The following FAM83F variants were observed in gnomAD, a reference collection of about 807,000 sequenced individuals.
The protein encoded by FAM83F is scaffolding CK1 anchoring protein F.
FAM83F carries 45 observed loss-of-function variants against 42.9 expected under a neutral mutation model. The observed-to-expected ratio is 1.05, with a 90% CI of 0.83 to 1.35. The LOEUF is 1.35. FAM83F is among the 40% of genes most tolerant of loss of function. The pLI, the probability that FAM83F is intolerant of heterozygous loss-of-function variation, is 0.00. For synonymous variants in FAM83F, 306 were observed against 298.3 expected, an observed-to-expected ratio of 1.03 and a Z score of -0.27; for missense variants, 617 against 695.9, an observed-to-expected ratio of 0.89 and a Z score of 1.28.
At chr22:40,019,395 C>A in intron 2 of FAM83F, 60 bp downstream of exon 2, 1 of 1,519,750 alleles carries the variant, frequency 6.6e-7, no homozygotes. Flanking sequence ...TACCTCTGCC[C>A]CGTCCTGCAG....
At chr22:40,002,029 TGCCGGC>T (rs1224873886) in intron 1 of FAM83F, among the ~76,000 whole-genome samples, 1 of 151,632 alleles carries the variant, frequency 6.6e-6, no homozygotes, top group Non-Finnish European at 1.5e-5. Context: ...GGCAGCTTTC[TGCCGGC>T]CTCCGAGCTG....
rs1006747457 is a variant in FAM83F, at chr22:40,034,954, G to A, written c.*5389G>A. On this transcript the variant is annotated 3_prime_UTR_variant, in exon 5 of 5. Coordinates refer to ENST00000333407, the MANE Select transcript of FAM83F (RefSeq NM_138435.4). ...ATCTCCTGGGTGGTCCAGACTAGGT[G>A]GCACTGGGCCTGCAGGCCTCTAGCT... 6.6e-6 allele frequency: 1 copy of A among 152,200 alleles called. No individual in the cohort carries two copies. Among genetic ancestry groups the A allele is most frequent in the African/African-American group, 2.4e-5 (1 of 41,422 alleles). The allele number at this position is 152,200 out of a possible 1,614,324, so 9.4% of individuals were successfully genotyped here.
At chr22:39,997,810 A>G (rs1234118050) in intron 1 of FAM83F, 3 of 152,274 alleles carry the variant, frequency 2.0e-5, no homozygotes, top group Non-Finnish European at 2.9e-5. Flanking sequence ...CCCCCAAGGA[A>G]GCAACAGTGT....
Position 39,995,345 on chromosome 22 carries a change from C to G in FAM83F, c.303C>G (p.Ser101=). ...AKAPAPAPAE[S]GESLAYWPDR... ...CCCCCGCGCCGGCGCCGGCTGAGTC[C>G]GGCGAGTCCCTGGCCTACTGGCCCG... The change falls in exon 1 of 5, where the codon TCC becomes TCG. Residue 101 remains serine, a synonymous_variant. Transcript: ENST00000333407. The surrounding 1 kb of genome is among the most constrained non-coding windows in gnomAD (Gnocchi z 4.6). 5 of 1,541,398 alleles carry G rather than the reference C, an allele frequency of 3.2e-6. No individual in the cohort carries two copies. The highest frequency in any genetic ancestry group is 4.4e-6 in the Non-Finnish European group (5 of 1,146,142).
chr22:40,019,413 C>T (rs2067508064), intron 2 of FAM83F, 78 bp downstream of exon 2: 2 of 1,379,132 alleles, frequency 1.5e-6, no homozygotes, highest in South Asian at 2.5e-5. Flanking sequence ...CAGCTCCCCC[C>T]TGCCTCTTCC....
intron 1 of FAM83F, among the ~76,000 whole-genome samples, chr22:40,001,903 G>A (rs765605526): frequency 3.3e-5 from 5 of 152,206 alleles, no homozygotes; most frequent in Non-Finnish European, 5.9e-5. Flanking sequence ...CTGTGCCGGC[G>A]TGTTTCCTGT....
chr22:40,002,132 G>T (rs1169789468), intron 1 of FAM83F, among the ~76,000 whole-genome samples: 1 of 152,230 alleles, frequency 6.6e-6, no homozygotes, highest in Non-Finnish European at 1.5e-5. Flanking sequence ...GCAGGAAGGT[G>T]CAGAGGCTTC....
rs556566550 is a variant in FAM83F, at chr22:40,011,333, C to T, written c.490-7835C>T. Among the ~76,000 whole-genome samples, 43 of 152,218 alleles carry T rather than the reference C, an allele frequency of 2.8e-4. 1 individual carries two copies. Among genetic ancestry groups the T allele is most frequent in the Admixed American group, 1.7e-3 (26 of 15,284 alleles). On this transcript the variant is annotated intron_variant, in intron 1 of 4. Transcript: ENST00000333407. The stretch of plus-strand genomic sequence containing the variant: ...CAGCCTCCCTGGGATTACAGGTGTG[C>T]GCCACCATGCCCGGCTAATTTTTGT...
At chr22:40,009,261 G>C (rs370397110) in intron 1 of FAM83F, among the ~76,000 whole-genome samples, 9 of 151,262 alleles carry the variant, frequency 5.9e-5, no homozygotes, top group Non-Finnish European at 1.0e-4. Flanking sequence ...TCACCAAAAG[G>C]CCCCCCCGAG....
Position 40,036,161 on chromosome 22 carries a change from G to A in FAM83F, c.*6596G>A, listed in dbSNP as rs2067622616. The stretch of plus-strand genomic sequence containing the variant: ...TCCTCAGCTTCCCAAGTAGCTAGTA[G>A]TAGTAGTGGCTTGCACCAACGCTCC... On this transcript the variant is annotated 3_prime_UTR_variant, in exon 5 of 5. Coordinates refer to ENST00000333407, the MANE Select transcript of FAM83F (RefSeq NM_138435.4). 1 of 152,116 alleles carries A rather than the reference G, an allele frequency of 6.6e-6. No homozygotes were observed. The highest frequency in any genetic ancestry group is 6.6e-5 in the Admixed American group (1 of 15,264). The allele number at this position is 152,116 out of a possible 1,614,324, so 9.4% of individuals were successfully genotyped here. A position where few individuals can be genotyped will look rare whatever the true frequency, so the allele number is the denominator to read the frequency against.
rs755672709 is a variant in FAM83F at position 40,019,351 on chromosome 22, G to T, written c.657+16G>T. 15 of 1,611,160 alleles carry T rather than the reference G, an allele frequency of 9.3e-6. No homozygotes were observed. In the South Asian group the frequency reaches 1.3e-4, roughly 14 times the overall value. Reference sequence around the variant, plus strand: ...CCGGATTCGGGTAAGTTGCACCACTGGGGTGGAAAGTGGACAGGAGATGAG... The same window carrying T: ...CCGGATTCGGGTAAGTTGCACCACTTGGGTGGAAAGTGGACAGGAGATGAG... On this transcript the variant is annotated intron_variant, in intron 2 of 4. Transcript: ENST00000333407.
At position 40,029,820 on chromosome 22, in the gene FAM83F, G is replaced by A; in HGVS notation, c.*255G>A. 1 of 486,180 alleles carries A rather than the reference G, an allele frequency of 2.1e-6. No individual in the cohort carries two copies. Among genetic ancestry groups the A allele is most frequent in the Non-Finnish European group, 3.7e-6 (1 of 270,980 alleles). 30.1% of individuals were successfully genotyped at this position (486,180 alleles called of 1,614,324 possible). A position where few individuals can be genotyped will look rare whatever the true frequency, so the allele number is the denominator to read the frequency against. ...ACGGCCTCCTTGTTTACATGAAGTG[G>A]AAGCTTGACCAGTGTCTGCTCGCCT... On this transcript the variant is annotated 3_prime_UTR_variant, in exon 5 of 5. Coordinates refer to ENST00000333407, the MANE Select transcript of FAM83F (RefSeq NM_138435.4).
rs758036575 is a variant in FAM83F at position 39,995,017 on chromosome 22, AGGGCCGGGGCCG to A, written c.-15_-4del. The A allele has an allele frequency of 3.2e-5, 40 of 1,249,164 alleles. No homozygotes were observed. The South Asian group carries it at 3.6e-4, about 11-fold the overall frequency. 77.4% of individuals were successfully genotyped at this position (1,249,164 alleles called of 1,614,324 possible). A position where few individuals can be genotyped will look rare whatever the true frequency, so the allele number is the denominator to read the frequency against. On this transcript the variant is annotated 5_prime_UTR_variant, in exon 1 of 5. Transcript: ENST00000333407. This position sits in a 1 kb window ranked among gnomAD's most constrained non-coding sequence, Gnocchi z 4.6. The stretch of plus-strand genomic sequence containing the variant: ...CTCGGACCGCGGCGGGGCCGGGGCC[AGGGCCGGGGCCG>A]GGGCCGGGGCGCCATGGCCGAGTCC...
In FAM83F at chr22:40,035,708, GCA is replaced by G. The variant is rs2067619779; in HGVS notation, c.*6144_*6145del. The G allele has an allele frequency of 6.6e-6, 1 of 152,266 alleles. No homozygotes were observed. The highest frequency in any genetic ancestry group is 1.5e-5 in the Non-Finnish European group (1 of 68,084). The allele number at this position is 152,266 out of a possible 1,614,324, so 9.4% of individuals were successfully genotyped here. A position where few individuals can be genotyped will look rare whatever the true frequency, so the allele number is the denominator to read the frequency against. The stretch of plus-strand genomic sequence containing the variant: ...ACCGAACAGCTAATGACCCCAGCAA[GCA>G]ATTTCACATCCCCGAACTTTCCTGT... On this transcript the variant is annotated 3_prime_UTR_variant, in exon 5 of 5. Transcript: ENST00000333407.
At position 39,995,378 on chromosome 22, in the gene FAM83F, C is replaced by G; in HGVS notation, c.336C>G (p.Ser112=). Residue 112 remains serine, a synonymous_variant, in exon 1 of 5, where the codon TCC becomes TCG. Transcript: ENST00000333407. This position sits in a 1 kb window ranked among gnomAD's most constrained non-coding sequence, Gnocchi z 4.6. ...GESLAYWPDR[S]DTEVPPLDLG... ...CCCTGGCCTACTGGCCCGACCGTTC[C>G]GACACCGAGGTGCCTCCTCTGGACC... 1 of 1,546,258 alleles carries G rather than the reference C, an allele frequency of 6.5e-7. No homozygotes were observed. Among genetic ancestry groups the G allele is most frequent in the East Asian group, 2.4e-5 (1 of 40,884 alleles).
At chr22:40,002,545 A>G (rs2067407992) in intron 1 of FAM83F, among the ~76,000 whole-genome samples, 1 of 152,158 alleles carries the variant, frequency 6.6e-6, no homozygotes, top group African/African-American at 2.4e-5. Context: ...GAGGTCTCCA[A>G]AAGTCCAGGC....
chr22:40,012,724 C>T (rs1396261260), intron 1 of FAM83F, among the ~76,000 whole-genome samples: 9 of 150,654 alleles, frequency 6.0e-5, no homozygotes, highest in South Asian at 2.1e-4. Context: ...GAGCTGAGAT[C>T]GCGCCACTGC....
chr22:40,015,765 C>T (rs906735440), intron 1 of FAM83F, among the ~76,000 whole-genome samples: 1 of 152,200 alleles, frequency 6.6e-6, no homozygotes, highest in African/African-American at 2.4e-5. Flanking sequence ...ACCCACTCAC[C>T]CCAAACCCAC....
chr22:40,028,334 T>A (rs993731321), intron 4 of FAM83F, among the ~76,000 whole-genome samples: 1 of 152,200 alleles, frequency 6.6e-6, no homozygotes, highest in African/African-American at 2.4e-5. Context: ...CTCTGTTCAG[T>A]GGGTCCTGCT....
Sources: gnomAD v4.1 joint callset for allele counts (sites outside exome capture counted in the v4.1 genomes callset) on GRCh38, gnomAD v4.1.1 for gene constraint, Gnocchi (gnomAD v3.1) non-coding constraint, MANE v1.5 for transcripts, NCBI Gene and HGNC (gene_info 2026-07-23, HGNC 2026-07-21) for gene names.